The following PRPS2 variants were observed in gnomAD, a reference collection of about 807,000 sequenced individuals.
The protein encoded by PRPS2 is ribose-phosphate pyrophosphokinase 2.
For missense variants in PRPS2, 104 were observed against 271.5 expected (o/e 0.38, Z 4.34); for synonymous variants, 111 against 115.3 (o/e 0.96, Z 0.24).
intron 4 of PRPS2, among the ~76,000 whole-genome samples, chrX:12,817,211 T>C (rs1056621613): frequency 1.8e-4 from 20 of 110,900 alleles, no homozygotes; most frequent in African/African-American, 5.9e-4. Flanking sequence ...TGTTTGTGGT[T>C]TGGTGTCCCT....
chrX:12,817,427 C>A (rs2042652822), intron 4 of PRPS2, among the ~76,000 whole-genome samples: 1 of 78,364 alleles, frequency 1.3e-5, no homozygotes, highest in South Asian at 7.0e-4. Context: ...ATTAAAAAAT[C>A]TTATTTTCCC....
At chrX:12,821,837 T>C (rs1047930919) in intron 6 of PRPS2, among the ~76,000 whole-genome samples, 2 of 112,169 alleles carry the variant, frequency 1.8e-5, no homozygotes, top group African/African-American at 6.5e-5. Context: ...ATCATATAGA[T>C]AGCAATTGGC....
chrX:12,818,366 CAAA>C lies in PRPS2; in HGVS notation c.531-1125_531-1123del, dbSNP rs35450855. Among the ~76,000 whole-genome samples the C allele has an allele frequency of 4.5e-3, 286 of 62,898 alleles. 1 individual carries two copies. The highest frequency in any genetic ancestry group is 0.016 in the African/African-American group (270 of 16,372). The allele number at this position is 62,898 out of a possible 115,157, so 54.6% of individuals were successfully genotyped here. On this transcript the variant is annotated intron_variant, in intron 4 of 6. Transcript: ENST00000380668. ...CTGGTCAACAAGAGTGAAACTGTCT[CAAA>C]AAAAAAAAAAAAAAAGAAAAGAAAA...
chrX:12,792,050 G>A (rs2042522214), intron 1 of PRPS2, among the ~76,000 whole-genome samples: 1 of 113,304 alleles, frequency 8.8e-6, no homozygotes, highest in Non-Finnish European at 1.9e-5. Flanking sequence ...GCTGGTCCCA[G>A]TTTCCGCGTC....
At chrX:12,819,168 T>A (rs1353535270) in intron 4 of PRPS2, among the ~76,000 whole-genome samples, 1 of 112,869 alleles carries the variant, frequency 8.9e-6, no homozygotes, top group South Asian at 3.6e-4. Flanking sequence ...AAATAGTAGT[T>A]CCTAAATAAC....
chrX:12,798,720 G>A (rs1239143900), intron 1 of PRPS2, among the ~76,000 whole-genome samples: 1 of 111,769 alleles, frequency 8.9e-6, no homozygotes. Flanking sequence ...ATTTTGCAAG[G>A]GTACCCACCA....
chrX:12,796,236 T>TTTTC lies in PRPS2; in HGVS notation c.123-2970_123-2969insTTCT, dbSNP rs1555902194. On this transcript the variant is annotated intron_variant, in intron 1 of 6. Transcript: ENST00000380668. ...CTCTTTTTTTTTTTTTTTTTTTTTT[T>TTTTC]TGAGACAGAGTTTCACTTTTGTTGC... Among the ~76,000 whole-genome samples, 73 of 72,451 alleles carry TTTTC rather than the reference T, an allele frequency of 1.0e-3. 2 individuals carry two copies. Among genetic ancestry groups the TTTTC allele is most frequent in the Non-Finnish European group, 1.3e-3 (48 of 38,142 alleles). 62.9% of individuals were successfully genotyped at this position (72,451 alleles called of 115,157 possible).
chrX:12,808,156 C>T (rs552376889), intron 2 of PRPS2, among the ~76,000 whole-genome samples: 8 of 111,060 alleles, frequency 7.2e-5, no homozygotes, highest in Non-Finnish European at 1.5e-4. Context: ...CGTGAGCCAC[C>T]GCGCCCCATA....
At chrX:12,821,967 A>G (rs1407949153) in intron 6 of PRPS2, among the ~76,000 whole-genome samples, 1 of 108,419 alleles carries the variant, frequency 9.2e-6, no homozygotes, top group East Asian at 3.0e-4. Context: ...GGTGCATCAC[A>G]GTGATCTGCT....
chrX:12,810,001 G>A, intron 3 of PRPS2, 21 bp from the exon 4 acceptor site: 1 of 1,153,355 alleles, frequency 8.7e-7, no homozygotes, highest in Non-Finnish European at 1.2e-6. Context: ...CCTGCAACAT[G>A]ACACTCACTT....
chrX:12,822,551 T>G (rs999774854), intron 6 of PRPS2, among the ~76,000 whole-genome samples, 153 bp from the exon 7 acceptor site: 1 of 112,528 alleles, frequency 8.9e-6, no homozygotes. Flanking sequence ...CCCAAAGCTG[T>G]CTGTCCTCTC....
Position 12,818,013 on chromosome X carries a change from T to C in PRPS2, c.531-1494T>C, listed in dbSNP as rs775798970. On this transcript the variant is annotated intron_variant, in intron 4 of 6. Coordinates refer to ENST00000380668, the MANE Select transcript of PRPS2 (RefSeq NM_002765.5). ...TGTGAATGTACTTGATGCCATTGAA[T>C]TAATACACTTTAAAATGGCTCCAAG... is the stretch of plus-strand genomic sequence containing the variant. Among the ~76,000 whole-genome samples, 4 of 111,208 alleles carry C rather than the reference T, an allele frequency of 3.6e-5. No individual in the cohort carries two copies. The South Asian group carries it at 1.5e-3, about 42-fold the overall frequency.
chrX:12,806,083 G>GA (rs754962160), intron 2 of PRPS2, among the ~76,000 whole-genome samples: 79 of 87,933 alleles, frequency 9.0e-4, no homozygotes, highest in African/African-American at 1.3e-3. Context: ...GTCTCAAAAG[G>GA]AAAAAAAAAA....
intron 4 of PRPS2, 156 bp downstream of exon 4, chrX:12,810,302 AC>A: frequency 1.6e-6 from 1 of 639,071 alleles, no homozygotes; most frequent in African/African-American, 2.2e-5. Flanking sequence ...CAGAGCAGAA[AC>A]CCATCATCTT....
intron 2 of PRPS2, among the ~76,000 whole-genome samples, chrX:12,804,053 C>T (rs978827893): frequency 4.9e-4 from 54 of 110,042 alleles, no homozygotes; most frequent in Non-Finnish European, 1.9e-4. Context: ...CAGTGTGACT[C>T]ATTATAGTGA....
At chrX:12,791,808 C>G (rs1027045357) in intron 1 of PRPS2, among the ~76,000 whole-genome samples, 189 bp downstream of exon 1, 7 of 110,788 alleles carry the variant, frequency 6.3e-5, no homozygotes, top group African/African-American at 2.3e-4. Flanking sequence ...CGGGGCGCCG[C>G]GCGTCCCGAT....
chrX:12,810,256 C>A, intron 4 of PRPS2, 110 bp downstream of exon 4: 1 of 1,025,554 alleles, frequency 9.8e-7, no homozygotes, highest in Non-Finnish European at 1.3e-6. Context: ...CTTTATTTTG[C>A]TAATGAGCAA....
At chrX:12,816,861 C>T (rs1460343291) in intron 4 of PRPS2, among the ~76,000 whole-genome samples, 1 of 111,283 alleles carries the variant, frequency 9.0e-6, no homozygotes, top group Non-Finnish European at 1.9e-5. Flanking sequence ...TTTTGCTCTC[C>T]TTCTGGAAAG....
chrX:12,804,626 A>G (rs955533725), intron 2 of PRPS2, among the ~76,000 whole-genome samples: 1 of 111,297 alleles, frequency 9.0e-6, no homozygotes, highest in African/African-American at 3.3e-5. Flanking sequence ...TCTCTTAGAC[A>G]AGTGCTACTG....
Sources: gnomAD v4.1 joint callset for allele counts (sites outside exome capture counted in the v4.1 genomes callset) on GRCh38, gnomAD v4.1.1 for gene constraint, MANE v1.5 for transcripts, NCBI Gene and HGNC (gene_info 2026-07-23, HGNC 2026-07-21) for gene names.